WWOX: variants seen among roughly 807,000 people sequenced by gnomAD.
WWOX encodes WW domain-containing oxidoreductase.
Under a neutral mutation model 46.2 loss-of-function variants are expected in WWOX, and 69 were observed. That is an observed-to-expected ratio of 1.49 (90% CI 1.23 to 1.82). The LOEUF (loss-of-function observed/expected upper bound fraction) is 1.82, where lower values mean the gene tolerates loss of function less well. Among genes scored for constraint, WWOX ranks in the 40% most tolerant of loss-of-function variants. The pLI is 0.00. For missense variants in WWOX, 919 were observed against 542.6 expected (o/e 1.69, Z -6.89); for synonymous variants, 359 against 202.6 (o/e 1.77, Z -6.56).
intron 8 of WWOX, among the ~76,000 whole-genome samples, chr16:79,170,851 C>T (rs1025620778): frequency 6.6e-6 from 1 of 152,080 alleles, no homozygotes; most frequent in Non-Finnish European, 1.5e-5. Context: ...AGGGTGATAG[C>T]TCGTGATTCT....
At position 78,374,384 on chromosome 16, in the gene WWOX, G is replaced by A. The variant is rs553735968; in HGVS notation, c.517-12476G>A. On this transcript the variant is annotated intron_variant, in intron 5 of 8. Transcript: ENST00000566780. Reference sequence around the variant, plus strand: ...CATAAAACAAACTTCACTTGTTAGTGTTGTTTTAGTTGCTTCTTAAATTCA... The same window carrying A: ...CATAAAACAAACTTCACTTGTTAGTATTGTTTTAGTTGCTTCTTAAATTCA... Among the ~76,000 whole-genome samples, 13 of 152,168 alleles carry A rather than the reference G, an allele frequency of 8.5e-5. 1 individual carries two copies. The South Asian group carries it at 2.5e-3, about 29-fold the overall frequency.
intron 8 of WWOX, among the ~76,000 whole-genome samples, chr16:79,161,937 G>A (rs2050494832): frequency 6.6e-6 from 1 of 152,210 alleles, no homozygotes; most frequent in South Asian, 2.1e-4. Flanking sequence ...GAAAGGCCAA[G>A]AGAAGCCTGG....
intron 8 of WWOX, among the ~76,000 whole-genome samples, chr16:78,733,173 A>C (rs771628747): frequency 1.1e-4 from 16 of 152,256 alleles, no homozygotes; most frequent in Non-Finnish European, 4.4e-5. Context: ...GCTATTTATA[A>C]AGAAGATTCT....
intron 6 of WWOX, among the ~76,000 whole-genome samples, chr16:78,418,483 G>C (rs28694190): frequency 0.25 from 38,728 of 151,876 alleles, 10,461 homozygotes; most frequent in African/African-American, 0.68. Context: ...GACAACAGAG[G>C]CAGACAAAGA....
chr16:78,124,320 A>G (rs1304126947), intron 4 of WWOX: 1 of 152,176 alleles, frequency 6.6e-6, no homozygotes, highest in East Asian at 1.9e-4. Flanking sequence ...TATCTAATAA[A>G]TTGTTAAAAC....
intron 8 of WWOX, among the ~76,000 whole-genome samples, chr16:78,478,136 C>G (rs780346979): frequency 6.6e-6 from 1 of 152,064 alleles, no homozygotes; most frequent in East Asian, 1.9e-4. Flanking sequence ...AAAAACACAG[C>G]AAGGTATGTA....
chr16:79,189,090 C>A (rs1334943524), intron 8 of WWOX, among the ~76,000 whole-genome samples: 2 of 152,066 alleles, frequency 1.3e-5, no homozygotes, highest in African/African-American at 4.8e-5. Context: ...TAGAGAAAGA[C>A]AAAAACTTGT....
intron 8 of WWOX, among the ~76,000 whole-genome samples, chr16:79,024,125 A>C (rs375627639): frequency 6.6e-6 from 1 of 152,204 alleles, no homozygotes; most frequent in African/African-American, 2.4e-5. Context: ...AATGACTGCT[A>C]AAGCATTCAA....
rs1278110552 is a variant in WWOX at position 78,339,864 on chromosome 16, C to G, written c.517-46996C>G. On this transcript the variant is annotated intron_variant, in intron 5 of 8. Coordinates refer to ENST00000566780, the MANE Select transcript of WWOX (RefSeq NM_016373.4). ...GAGGCATATCATCAACCCCTTGCTG[C>G]TATCCAAATAGGAGACTGTTCCCTT... is the stretch of plus-strand genomic sequence containing the variant. Among the ~76,000 whole-genome samples the G allele has an allele frequency of 2.6e-5, 3 of 116,572 alleles. 1 individual carries two copies. Among genetic ancestry groups the G allele is most frequent in the Non-Finnish European group, 6.1e-5 (3 of 49,272 alleles). The allele number at this position is 116,572 out of a possible 152,430, so 76.5% of individuals were successfully genotyped here.
intron 8 of WWOX, among the ~76,000 whole-genome samples, chr16:78,491,646 T>C (rs1288253097): frequency 6.6e-6 from 1 of 152,122 alleles, no homozygotes; most frequent in Non-Finnish European, 1.5e-5. Context: ...TTGTTTTCAA[T>C]GCAGTATATA....
intron 8 of WWOX, among the ~76,000 whole-genome samples, chr16:79,178,902 C>G (rs960840573): frequency 2.0e-5 from 3 of 152,190 alleles, no homozygotes; most frequent in Non-Finnish European, 4.4e-5. Context: ...GCACAGAGAG[C>G]TGTTTAGTTA....
chr16:78,939,685 G>A (rs548280930), intron 8 of WWOX, among the ~76,000 whole-genome samples: 195 of 152,324 alleles, frequency 1.3e-3, no homozygotes, highest in Non-Finnish European at 1.0e-3. Context: ...CCTGAAACAT[G>A]AAAGTGTTTG....
intron 8 of WWOX, among the ~76,000 whole-genome samples, chr16:79,128,072 AC>A (rs902037341): frequency 3.9e-4 from 60 of 152,178 alleles, no homozygotes; most frequent in African/African-American, 1.4e-3. Context: ...TGATTTGGTT[AC>A]CCCCTTCTCC....
chr16:78,667,070 G>C (rs1395212144), intron 8 of WWOX, among the ~76,000 whole-genome samples: 1 of 152,174 alleles, frequency 6.6e-6, no homozygotes, highest in Non-Finnish European at 1.5e-5. Context: ...GGAGTTTTGA[G>C]TATCGGATCT....
intron 8 of WWOX, among the ~76,000 whole-genome samples, chr16:79,018,307 T>A (rs1458395325): frequency 6.6e-6 from 1 of 152,194 alleles, no homozygotes; most frequent in Non-Finnish European, 1.5e-5. Context: ...TATCTGACAG[T>A]TGTTAATTAA....
intron 8 of WWOX, among the ~76,000 whole-genome samples, chr16:78,450,894 A>G (rs151300643): frequency 2.0e-3 from 307 of 152,336 alleles, no homozygotes; most frequent in Middle Eastern, 6.8e-3. Flanking sequence ...AATATACCCA[A>G]TAATGAAAAC....
At chr16:78,372,869 C>G (rs1206664398) in intron 5 of WWOX, among the ~76,000 whole-genome samples, 2 of 152,154 alleles carry the variant, frequency 1.3e-5, no homozygotes, top group Non-Finnish European at 2.9e-5. Context: ...TCTTTCAGCA[C>G]AGTAGCAGCT....
intron 5 of WWOX, among the ~76,000 whole-genome samples, chr16:78,238,382 C>T (rs531791846): frequency 1.6e-4 from 25 of 152,150 alleles, no homozygotes; most frequent in Non-Finnish European, 2.8e-4. Context: ...TCAGAGAAGC[C>T]TCGACCTCCC....
chr16:78,547,087 C>G (rs189735317), intron 8 of WWOX, among the ~76,000 whole-genome samples: 1 of 138,604 alleles, frequency 7.2e-6, no homozygotes, highest in Non-Finnish European at 1.5e-5. Flanking sequence ...AAGATCATGC[C>G]ACTGCACTCC....
Sources: gnomAD v4.1 joint callset for allele counts (sites outside exome capture counted in the v4.1 genomes callset) on GRCh38, gnomAD v4.1.1 for gene constraint, MANE v1.5 for transcripts, NCBI Gene and HGNC (gene_info 2026-07-23, HGNC 2026-07-21) for gene names.